HOMER2: variants seen among roughly 807,000 people sequenced by gnomAD.
HOMER2 encodes the protein homer protein homolog 2.
HOMER2 carries 27 observed loss-of-function variants against 47.0 expected under a neutral mutation model. The ratio of observed to expected loss-of-function variants is 0.57; its 90% CI spans 0.42 to 0.79. The LOEUF is 0.79. HOMER2 is among the 30% of genes least tolerant of loss of function. HOMER2 has a pLI of 0.00. For missense variants in HOMER2, 443 were observed against 435.0 expected, an observed-to-expected ratio of 1.02 and a Z score of -0.16; for synonymous variants, 161 against 163.8, an observed-to-expected ratio of 0.98 and a Z score of 0.13.
Position 82,849,523 on chromosome 15 carries a change from C to T in HOMER2, c.*192G>A. 5 of 583,924 alleles carry T rather than the reference C, an allele frequency of 8.6e-6. No homozygotes were observed. Among genetic ancestry groups the T allele is most frequent in the Non-Finnish European group, 9.1e-6 (3 of 331,316 alleles). The allele number at this position is 583,924 out of a possible 1,614,324, so 36.2% of individuals were successfully genotyped here. A position where few individuals can be genotyped will look rare whatever the true frequency, so the allele number is the denominator to read the frequency against. On this transcript the variant is annotated 3_prime_UTR_variant, in exon 9 of 9. Coordinates refer to ENST00000450735, the MANE Select transcript of HOMER2 (RefSeq NM_004839.4). Reference sequence around the variant, plus strand: ...GTCAGAATCTTCCAGTTGTCCACAACCTCACAAGGCCAGAGAAGCGAGAGG... The same window carrying T: ...GTCAGAATCTTCCAGTTGTCCACAATCTCACAAGGCCAGAGAAGCGAGAGG...
chr15:82,978,087 T>C (rs1272847835), intron 1 of HOMER2, among the ~76,000 whole-genome samples: 1 of 151,990 alleles, frequency 6.6e-6, no homozygotes, highest in Non-Finnish European at 1.5e-5. Context: ...GAGGCAGAGG[T>C]TATGGCGAGT....
downstream of HOMER2, chr15:82,835,357 C>CTCGT (rs1169148074): frequency 1.3e-5 from 2 of 152,556 alleles, no homozygotes; most frequent in African/African-American, 4.8e-5. Context: ...ATCTCTTGAC[C>CTCGT]TCGTGATCCT....
chr15:82,983,549 C>T (rs1156477885), intron 1 of HOMER2, among the ~76,000 whole-genome samples: 1 of 151,758 alleles, frequency 6.6e-6, no homozygotes, highest in Non-Finnish European at 1.5e-5. Flanking sequence ...GCCCCAATTT[C>T]CCAGGCTTAA....
At chr15:82,941,006 C>T (rs1162235900) in intron 1 of HOMER2, among the ~76,000 whole-genome samples, 3 of 152,172 alleles carry the variant, frequency 2.0e-5, no homozygotes, top group East Asian at 1.9e-4. Flanking sequence ...AGATCCATTA[C>T]AGAGCAAGGC....
At chr15:82,882,494 A>T (rs1246072547) in intron 2 of HOMER2, among the ~76,000 whole-genome samples, 1 of 152,234 alleles carries the variant, frequency 6.6e-6, no homozygotes, top group Non-Finnish European at 1.5e-5. Flanking sequence ...GAGGCAACAC[A>T]CTGAAGTTTT....
intron 1 of HOMER2, among the ~76,000 whole-genome samples, chr15:82,906,254 A>C (rs2053282438): frequency 6.6e-6 from 1 of 152,202 alleles, no homozygotes; most frequent in Admixed American, 6.5e-5. Context: ...AAAAGGCAGA[A>C]AAAGTGTAGA....
At chr15:82,945,774 T>C (rs764938596) in intron 1 of HOMER2, among the ~76,000 whole-genome samples, 3 of 151,954 alleles carry the variant, frequency 2.0e-5, no homozygotes, top group Non-Finnish European at 2.9e-5. Flanking sequence ...ATCGAGACCA[T>C]CCTGGCTAAC....
intron 6 of HOMER2, chr15:82,852,614 T>A (rs1207638205): frequency 9.9e-6 from 2 of 201,488 alleles, no homozygotes; most frequent in Non-Finnish European, 2.0e-5. Flanking sequence ...AAGTGTCCCC[T>A]GAATTGATCT....
intron 1 of HOMER2, among the ~76,000 whole-genome samples, chr15:82,915,369 T>C (rs191455486): frequency 3.9e-5 from 6 of 152,246 alleles, no homozygotes; most frequent in African/African-American, 1.4e-4. Context: ...TGGAGTACTA[T>C]ACCTTGATAG....
downstream of HOMER2, chr15:82,845,218 T>TCACACACACACACACACACACACACA (rs33974319): frequency 6.9e-6 from 1 of 145,924 alleles, no homozygotes; most frequent in African/African-American, 2.6e-5. Flanking sequence ...TGCTGTTTCT[T>TCACACACACACACACACACACACACA]CACACACACA....
At chr15:82,978,839 GC>G (rs1228668898) in intron 1 of HOMER2, among the ~76,000 whole-genome samples, 1 of 152,198 alleles carries the variant, frequency 6.6e-6, no homozygotes, top group Admixed American at 6.5e-5. Flanking sequence ...TCCTGCCTCA[GC>G]CTCCTGAGTA....
intron 1 of HOMER2, among the ~76,000 whole-genome samples, chr15:82,964,904 T>C (rs2054660158): frequency 6.6e-6 from 1 of 152,250 alleles, no homozygotes; most frequent in South Asian, 2.1e-4. Context: ...CCGTGCTCCA[T>C]AGGTTTGGGA....
At chr15:82,845,551 G>A (rs1427350988), downstream of HOMER2, 1 of 152,166 alleles carries the variant, frequency 6.6e-6, no homozygotes, top group African/African-American at 2.4e-5. Context: ...AATATACATG[G>A]ACATTGATCT....
Position 82,888,636 on chromosome 15 carries a change from C to T in HOMER2, c.162+4049G>A, listed in dbSNP as rs1596324206. ...AAGCCGGTCTGAAAAGCGCAATATT[C>T]GGGTGGGAGTGATCCGATTTTCCAG... On this transcript the variant is annotated intron_variant, in intron 2 of 8. Coordinates refer to ENST00000450735, the MANE Select transcript of HOMER2 (RefSeq NM_004839.4). Among the ~76,000 whole-genome samples, 3 of 65,126 alleles carry T rather than the reference C, an allele frequency of 4.6e-5. 1 individual carries two copies. Among genetic ancestry groups the T allele is most frequent in the South Asian group, 5.0e-4 (1 of 1,992 alleles). The allele number at this position is 65,126 out of a possible 152,430, so 42.7% of individuals were successfully genotyped here.
chr15:82,892,709 C>A lies in HOMER2; in HGVS notation c.138G>T (p.Arg46=). The A allele has an allele frequency of 6.3e-7, 1 of 1,597,500 alleles. No individual in the cohort carries two copies. The highest frequency in any genetic ancestry group is 8.6e-7 in the Non-Finnish European group (1 of 1,168,302). ...CCTTGGCTCCGTCCACACTGATGAT[C>A]CGATAGCTGTTCCTTGTGACATCAT... ...YFYDVTRNSY[R]IISVDGAKVI... The change falls in exon 2 of 9, where the codon CGG becomes CGT. Residue 46 remains arginine (R), a synonymous_variant. Coordinates refer to ENST00000450735, the MANE Select transcript of HOMER2 (RefSeq NM_004839.4).
intron 1 of HOMER2, among the ~76,000 whole-genome samples, chr15:82,917,846 A>C (rs2053629763): frequency 6.6e-6 from 1 of 152,168 alleles, no homozygotes; most frequent in Admixed American, 6.5e-5. Context: ...CAGCAAGGCA[A>C]AACTCATCTC....
chr15:82,844,719 T>C (rs1449429649), downstream of HOMER2: 4 of 152,000 alleles, frequency 2.6e-5, no homozygotes, highest in Non-Finnish European at 4.4e-5. Flanking sequence ...CAAAAAACAG[T>C]ACTCTTGGGA....
At chr15:82,971,022 A>G (rs928106154) in intron 1 of HOMER2, among the ~76,000 whole-genome samples, 2 of 152,214 alleles carry the variant, frequency 1.3e-5, no homozygotes, top group Non-Finnish European at 2.9e-5. Flanking sequence ...ACCCAGACAT[A>G]AGGAAGGGAC....
intron 1 of HOMER2, among the ~76,000 whole-genome samples, chr15:82,894,341 G>A (rs1419436672): frequency 6.6e-6 from 1 of 152,100 alleles, no homozygotes; most frequent in Admixed American, 6.5e-5. Flanking sequence ...ATTTATTTTT[G>A]AAGAAAGCAT....
Sources: gnomAD v4.1 joint callset for allele counts (sites outside exome capture counted in the v4.1 genomes callset) on GRCh38, gnomAD v4.1.1 for gene constraint, MANE v1.5 for transcripts, NCBI Gene and HGNC (gene_info 2026-07-23, HGNC 2026-07-21) for gene names.